SND1: variants seen among roughly 807,000 people sequenced by gnomAD.
SND1 encodes the protein staphylococcal nuclease domain-containing protein 1.
A neutral mutation model predicts 121.7 loss-of-function variants in SND1; 38 were observed. That is an observed-to-expected ratio of 0.31 (90% CI 0.24 to 0.41). The LOEUF (loss-of-function observed/expected upper bound fraction) is 0.41, where lower values mean the gene tolerates loss of function less well. SND1 is among the 10% of genes least tolerant of loss of function. The pLI, the probability that SND1 is intolerant of heterozygous loss-of-function variation, is 1.00. For synonymous variants in SND1, 401 were observed against 447.4 expected (o/e 0.90, Z 1.31); for missense variants, 868 against 1,184.6 (o/e 0.73, Z 3.92).
At chr7:127,762,206 CTTTA>C (rs1797317528) in intron 10 of SND1, among the ~76,000 whole-genome samples, 1 of 152,216 alleles carries the variant, frequency 6.6e-6, no homozygotes, top group Non-Finnish European at 1.5e-5. Context: ...AGATTGATAA[CTTTA>C]TTAGTTTGCT....
chr7:128,059,365 T>C (rs1793194939), intron 16 of SND1, among the ~76,000 whole-genome samples: 1 of 152,232 alleles, frequency 6.6e-6, no homozygotes, highest in South Asian at 2.1e-4. Flanking sequence ...CATAGGCTCT[T>C]TGAAGACAGA....
At chr7:127,837,521 C>T (rs1798888638) in intron 11 of SND1, among the ~76,000 whole-genome samples, 1 of 152,120 alleles carries the variant, frequency 6.6e-6, no homozygotes, top group Non-Finnish European at 1.5e-5. Flanking sequence ...ACAGTACTTG[C>T]CTAGAAGGAG....
At chr7:128,032,319 T>TC (rs1199035051) in intron 16 of SND1, among the ~76,000 whole-genome samples, 2 of 114,504 alleles carry the variant, frequency 1.7e-5, no homozygotes, top group African/African-American at 3.3e-5. Context: ...CCCTCCCCCC[T>TC]CCCCCCTCCC....
intron 10 of SND1, among the ~76,000 whole-genome samples, chr7:127,737,334 G>A (rs1375735915): frequency 6.6e-6 from 1 of 152,172 alleles, no homozygotes; most frequent in East Asian, 1.9e-4. Flanking sequence ...CAGCACTTTG[G>A]GAGGCCAAGG....
At chr7:127,888,551 C>T (rs1799952779) in intron 13 of SND1, among the ~76,000 whole-genome samples, 1 of 152,284 alleles carries the variant, frequency 6.6e-6, no homozygotes, top group Admixed American at 6.5e-5. Flanking sequence ...TCCTTCATCC[C>T]TGTGGCTGGT....
At chr7:127,759,057 A>AATAGATAGATAGATAGATAGATAGATAG (rs1289095272) in intron 10 of SND1, among the ~76,000 whole-genome samples, 4 of 145,390 alleles carry the variant, frequency 2.8e-5, no homozygotes, top group Admixed American at 6.9e-5. Context: ...CTGTCTCAAA[A>AATAGATAGATAGATAGATAGATAGATAG]ATAGATAGAT....
At chr7:127,675,360 C>T (rs1483390622) in intron 1 of SND1, among the ~76,000 whole-genome samples, 1 of 152,162 alleles carries the variant, frequency 6.6e-6, no homozygotes, top group Non-Finnish European at 1.5e-5. Flanking sequence ...TTCTCAGTGG[C>T]TGTTCAGAAT....
chr7:127,789,789 A>G (rs1025236623), intron 10 of SND1, among the ~76,000 whole-genome samples: 1 of 152,216 alleles, frequency 6.6e-6, no homozygotes, highest in Non-Finnish European at 1.5e-5. Context: ...TTGATCCTTC[A>G]TCCTTTGCTG....
At chr7:127,835,652 G>T (rs1798854233) in intron 11 of SND1, among the ~76,000 whole-genome samples, 1 of 148,964 alleles carries the variant, frequency 6.7e-6, no homozygotes, top group South Asian at 2.1e-4. Flanking sequence ...TAATGAGTAA[G>T]ATAATGGAGC....
intron 16 of SND1, among the ~76,000 whole-genome samples, chr7:128,044,677 C>T (rs1323187298): frequency 7.5e-6 from 1 of 132,652 alleles, no homozygotes; most frequent in African/African-American, 2.7e-5. Context: ...TTTTATCCGT[C>T]TTCTCATTCC....
At chr7:127,795,206 T>A (rs1797992969) in intron 10 of SND1, among the ~76,000 whole-genome samples, 1 of 152,244 alleles carries the variant, frequency 6.6e-6, no homozygotes, top group Non-Finnish European at 1.5e-5. Context: ...CTCTACTTGC[T>A]CATTTAAACA....
rs142363389 is a variant in SND1, at chr7:127,724,791, G to A, written c.1152+3391G>A. ...GCCTGGTAAAAACTTACTTTAGCAA[G>A]GAACTCTGGATTTTCTTTTGGTAAG... On this transcript the variant is annotated intron_variant, in intron 10 of 23. Transcript: ENST00000354725. 2.9e-3 allele frequency among the ~76,000 whole-genome samples: 449 copies of A among 152,278 alleles called. 2 individuals carry two copies. The highest frequency in any genetic ancestry group is 8.1e-3 in the African/African-American group (338 of 41,570).
chr7:127,947,301 C>T (rs1801348976), intron 15 of SND1, among the ~76,000 whole-genome samples: 1 of 152,178 alleles, frequency 6.6e-6, no homozygotes, highest in Non-Finnish European at 1.5e-5. Context: ...ATGTGTACAT[C>T]TCAGGATATT....
intron 15 of SND1, among the ~76,000 whole-genome samples, chr7:127,942,243 A>G (rs528130954): frequency 6.6e-6 from 1 of 152,206 alleles, no homozygotes; most frequent in African/African-American, 2.4e-5. Flanking sequence ...GTATGCCTTC[A>G]AGGGTCTTAT....
At chr7:127,747,937 A>G (rs1333604183) in intron 10 of SND1, among the ~76,000 whole-genome samples, 4 of 152,146 alleles carry the variant, frequency 2.6e-5, no homozygotes. Context: ...GTGTATGATG[A>G]TGGCTCAAAT....
intron 9 of SND1, among the ~76,000 whole-genome samples, chr7:127,710,275 A>G (rs1364758649): frequency 6.6e-6 from 1 of 152,096 alleles, no homozygotes; most frequent in Non-Finnish European, 1.5e-5. Context: ...TTGTGATAGA[A>G]ACTGCGTGGC....
intron 10 of SND1, among the ~76,000 whole-genome samples, chr7:127,745,876 T>G (rs1160468596): frequency 6.6e-6 from 1 of 152,210 alleles, no homozygotes; most frequent in Non-Finnish European, 1.5e-5. Flanking sequence ...TTTAAGGGTG[T>G]GTATCGTTGA....
At chr7:127,867,239 C>T (rs545482741) in intron 12 of SND1, among the ~76,000 whole-genome samples, 33 of 152,264 alleles carry the variant, frequency 2.2e-4, no homozygotes, top group African/African-American at 7.9e-4. Flanking sequence ...TTTACTTGAC[C>T]TCTCTGGAGT....
At chr7:127,895,179 A>G (rs547960496) in intron 13 of SND1, among the ~76,000 whole-genome samples, 3 of 152,182 alleles carry the variant, frequency 2.0e-5, no homozygotes, top group African/African-American at 7.2e-5. Flanking sequence ...TAAATAAACC[A>G]TGATTTCTCA....
Sources: gnomAD v4.1 joint callset for allele counts (sites outside exome capture counted in the v4.1 genomes callset) on GRCh38, gnomAD v4.1.1 for gene constraint, MANE v1.5 for transcripts, NCBI Gene and HGNC (gene_info 2026-07-23, HGNC 2026-07-21) for gene names.